JAK1: variants seen among roughly 807,000 people sequenced by gnomAD.
JAK1 encodes Janus kinase 1.
In JAK1, 16 loss-of-function variants were observed where a neutral mutation model predicts 136.6. That is an observed-to-expected ratio of 0.12 (90% CI 0.08 to 0.18). The LOEUF is 0.18. Ranked by LOEUF, JAK1 falls within the 10% of genes least tolerant of loss-of-function variation. The pLI is 1.00. For missense variants in JAK1, 859 were observed against 1,450.1 expected (o/e 0.59, Z 6.62); for synonymous variants, 492 against 519.5 (o/e 0.95, Z 0.72).
intron 20 of JAK1, 194 bp downstream of exon 20, chr1:64,839,409 G>A: frequency 2.3e-6 from 1 of 437,606 alleles, no homozygotes; most frequent in South Asian, 3.6e-5. Flanking sequence ...GAGGGGCCTG[G>A]GTGGCCTCCT....
intron 1 of JAK1, among the ~76,000 whole-genome samples, chr1:64,924,291 T>C (rs1645545557): frequency 6.6e-6 from 1 of 152,186 alleles, no homozygotes; most frequent in African/African-American, 2.4e-5. Context: ...AAAAGTCCGT[T>C]ACATAAAATG....
intron 1 of JAK1, chr1:65,057,755 A>G (rs1647613246): frequency 1.3e-5 from 2 of 154,852 alleles, no homozygotes; most frequent in African/African-American, 2.4e-5. Context: ...TATGTGCCAG[A>G]TATCACTGCA....
intron 10 of JAK1, among the ~76,000 whole-genome samples, chr1:64,855,922 G>A (rs1655900108): frequency 6.6e-6 from 1 of 152,200 alleles, no homozygotes; most frequent in African/African-American, 2.4e-5. Context: ...ATTGATAAAA[G>A]GGAGTTAATA....
intron 1 of JAK1, among the ~76,000 whole-genome samples, chr1:64,920,991 T>C (rs1645484824): frequency 6.6e-6 from 1 of 152,234 alleles, no homozygotes; most frequent in Admixed American, 6.5e-5. Context: ...ATAAATGCTA[T>C]GCTTTAAGAC....
intron 5 of JAK1, among the ~76,000 whole-genome samples, chr1:64,871,805 A>ATTG (rs2101147494): frequency 6.6e-6 from 1 of 152,348 alleles, no homozygotes; most frequent in Non-Finnish European, 1.5e-5. Context: ...TCCCAGGATC[A>ATTG]TTGCTGCAGA....
chr1:64,861,297 C>A (rs17127108), intron 8 of JAK1, among the ~76,000 whole-genome samples: 1 of 151,942 alleles, frequency 6.6e-6, no homozygotes, highest in Non-Finnish European at 1.5e-5. Flanking sequence ...TAGATTAAGC[C>A]TAGGGAGCTC....
chr1:64,866,846 G>A lies in JAK1; in HGVS notation c.990+20C>T, dbSNP rs754213554. 27 of 1,563,888 alleles carry A rather than the reference G, an allele frequency of 1.7e-5. No homozygotes were observed. The highest frequency in any genetic ancestry group is 2.2e-5 in the East Asian group (1 of 44,490). On this transcript the variant is annotated intron_variant, in intron 7 of 24. Coordinates refer to ENST00000342505, the MANE Select transcript of JAK1 (RefSeq NM_002227.4). Reference sequence around the variant, plus strand: ...TGACACGGGAATGTTCTCTTTGATCGACTGCCAACAGCCACTTACATTTGG... The same window carrying A: ...TGACACGGGAATGTTCTCTTTGATCAACTGCCAACAGCCACTTACATTTGG...
intron 2 of JAK1, among the ~76,000 whole-genome samples, chr1:64,975,280 A>T (rs1472848070): frequency 6.6e-6 from 1 of 152,126 alleles, no homozygotes; most frequent in Non-Finnish European, 1.5e-5. Context: ...CAGCTTTCAT[A>T]TACCTGCCAT....
intron 2 of JAK1, among the ~76,000 whole-genome samples, chr1:65,018,984 G>A (rs115401535): frequency 0.065 from 9,918 of 152,116 alleles, 392 homozygotes; most frequent in South Asian, 0.1. Flanking sequence ...GCCCTCCATC[G>A]TGGGGGACAG....
At chr1:65,003,354 G>A (rs1646778355) in intron 2 of JAK1, 2 of 152,102 alleles carry the variant, frequency 1.3e-5, no homozygotes, top group Admixed American at 1.3e-4. Flanking sequence ...AATGAAACGC[G>A]TTTCTTTTCC....
intron 2 of JAK1, among the ~76,000 whole-genome samples, chr1:64,983,837 G>T (rs546549495): frequency 2.6e-4 from 39 of 152,284 alleles, no homozygotes; most frequent in African/African-American, 8.7e-4. Flanking sequence ...AGTTCCAAAA[G>T]AAATCAGTAG....
intron 1 of JAK1, among the ~76,000 whole-genome samples, chr1:64,919,465 C>T (rs558746307): frequency 5.9e-5 from 9 of 152,148 alleles, no homozygotes; most frequent in African/African-American, 1.9e-4. Flanking sequence ...TGAATAGTGC[C>T]GCTATAAACA....
intron 3 of JAK1, 49 bp downstream of exon 3, chr1:64,883,228 A>T: frequency 6.8e-7 from 1 of 1,479,408 alleles, no homozygotes; most frequent in South Asian, 1.2e-5. Flanking sequence ...GATCTTCTGA[A>T]CTAGTGTGTT....
At chr1:64,906,755 T>C (rs1056221510) in intron 1 of JAK1, among the ~76,000 whole-genome samples, 3 of 152,172 alleles carry the variant, frequency 2.0e-5, no homozygotes, top group African/African-American at 7.2e-5. Context: ...AGAGAGGTGA[T>C]ATGACTCATA....
At chr1:65,050,249 T>G (rs1647248105) in intron 1 of JAK1, among the ~76,000 whole-genome samples, 1 of 152,194 alleles carries the variant, frequency 6.6e-6, no homozygotes, top group Non-Finnish European at 1.5e-5. Context: ...TTTCACAGAA[T>G]TCGCCATCTA....
At chr1:64,978,833 C>T (rs1306148566) in intron 2 of JAK1, among the ~76,000 whole-genome samples, 3 of 150,974 alleles carry the variant, frequency 2.0e-5, no homozygotes, top group African/African-American at 7.3e-5. Flanking sequence ...CACTTGCATG[C>T]TGGATGAGCT....
chr1:65,000,838 T>G (rs1021001645), intron 2 of JAK1, among the ~76,000 whole-genome samples: 3 of 152,156 alleles, frequency 2.0e-5, no homozygotes, highest in Admixed American at 6.5e-5. Context: ...TTTGTGATTT[T>G]TAAAAAGGAG....
intron 1 of JAK1, among the ~76,000 whole-genome samples, chr1:64,887,040 A>G (rs1244070263): frequency 6.6e-6 from 1 of 152,158 alleles, no homozygotes; most frequent in African/African-American, 2.4e-5. Context: ...GAGATGGGTT[A>G]CCTCTGAGGC....
chr1:64,956,202 G>C (rs969508743), intron 1 of JAK1, among the ~76,000 whole-genome samples: 5 of 152,216 alleles, frequency 3.3e-5, no homozygotes, highest in African/African-American at 1.2e-4. Context: ...AAAGTTTTCA[G>C]ACTGCTGGCC....
Sources: allele counts gnomAD v4.1 joint callset (sites outside exome capture counted in the v4.1 genomes callset), GRCh38; gene constraint gnomAD v4.1.1; transcripts MANE v1.5; gene names NCBI Gene and HGNC (gene_info 2026-07-23, HGNC 2026-07-21).